TULP4: variants seen among roughly 807,000 people sequenced by gnomAD.
TULP4 encodes the protein tubby-related protein 4.
TULP4 carries 16 observed loss-of-function variants against 129.0 expected under a neutral mutation model. That is an observed-to-expected ratio of 0.12 (90% CI 0.08 to 0.19). The LOEUF is 0.19. Among genes scored for constraint, TULP4 ranks in the 10% least tolerant of loss-of-function variants. The probability of loss-of-function intolerance (pLI) is 1.00; values close to 1 mark genes in which losing one functional copy is unlikely to be tolerated. For synonymous variants in TULP4, 998 were observed against 854.0 expected (o/e 1.17, Z -2.94); for missense variants, 1,842 against 2,059.1 (o/e 0.89, Z 2.04).
chr6:158,306,803 T>G (rs1204562703), intron 1 of TULP4, among the ~76,000 whole-genome samples: 1 of 152,156 alleles, frequency 6.6e-6, no homozygotes, highest in Non-Finnish European at 1.5e-5. Context: ...GTGGATCACT[T>G]GAGCCTCGGA....
At chr6:158,506,049 C>G (rs1780592299) in intron 13 of TULP4, among the ~76,000 whole-genome samples, 1 of 151,878 alleles carries the variant, frequency 6.6e-6, no homozygotes. Context: ...TGCTCACTGT[C>G]TCCATTGTGT....
chr6:158,444,113 G>A (rs904603170), intron 3 of TULP4, among the ~76,000 whole-genome samples: 6 of 151,338 alleles, frequency 4.0e-5, no homozygotes, highest in East Asian at 1.9e-4. Flanking sequence ...CCAGCTACTC[G>A]GGAGGCTGAG....
At position 158,413,250 on chromosome 6, in the gene TULP4, C is replaced by T. The variant is rs1778136712; in HGVS notation, c.381+57C>T. The T allele has an allele frequency of 2.6e-6, 4 of 1,550,408 alleles. No homozygotes were observed. Among genetic ancestry groups the T allele is most frequent in the African/African-American group, 1.4e-5 (1 of 73,356 alleles). ...GGCTGCGGGGTAGAGGACTCCCAGA[C>T]AGGCATTCCGGAGCCAGTGCGTTAG... On this transcript the variant is annotated intron_variant, in intron 2 of 13. Transcript: ENST00000367097. The surrounding 1 kb of genome is among the most constrained non-coding windows in gnomAD (Gnocchi z 4.9).
intron 1 of TULP4, among the ~76,000 whole-genome samples, chr6:158,265,969 A>G (rs1350854357): frequency 1.3e-5 from 2 of 152,182 alleles, no homozygotes; most frequent in African/African-American, 2.4e-5. Context: ...TTTTGGTATT[A>G]TACTTACTGT....
At chr6:158,466,976 G>A (rs1215028492) in intron 6 of TULP4, among the ~76,000 whole-genome samples, 1 of 152,148 alleles carries the variant, frequency 6.6e-6, no homozygotes, top group Admixed American at 6.5e-5. Flanking sequence ...TGAAGCCTAA[G>A]GAAAGAGGCC....
chr6:158,426,590 G>C (rs1442853219), intron 2 of TULP4, among the ~76,000 whole-genome samples: 1 of 152,026 alleles, frequency 6.6e-6, no homozygotes. Context: ...TGTCGTTTTT[G>C]TACCAGTACC....
At chr6:158,388,913 C>T (rs895156164) in intron 1 of TULP4, among the ~76,000 whole-genome samples, 4 of 152,134 alleles carry the variant, frequency 2.6e-5, no homozygotes, top group South Asian at 4.2e-4. Flanking sequence ...AGAGGTGGCA[C>T]CTCCCACCAC....
chr6:158,382,970 A>G (rs527387360), intron 1 of TULP4, among the ~76,000 whole-genome samples: 4 of 152,376 alleles, frequency 2.6e-5, no homozygotes, highest in African/African-American at 9.6e-5. Flanking sequence ...TGAGAGGCGA[A>G]TTAGTGCTGT....
chr6:158,335,274 CAAAA>C (rs61418142), intron 1 of TULP4, among the ~76,000 whole-genome samples: 4 of 121,538 alleles, frequency 3.3e-5, no homozygotes, highest in Admixed American at 8.2e-5. Context: ...GAGACTGTCT[CAAAA>C]AAAAAAAAAA....
rs747004210 is a variant in TULP4, at chr6:158,494,748, C to T, written c.1777-5C>T. On this transcript the variant is annotated splice_region_variant and splice_polypyrimidine_tract_variant and intron_variant, in intron 10 of 13. Transcript: ENST00000367097. ...TTCTTCTTTTTTCTTTTCTTCCTAC[C>T]GCAGCACAACTATCTTGCTCAGGTC... The T allele has an allele frequency of 1.4e-5, 22 of 1,608,828 alleles. No homozygotes were observed. The highest frequency in any genetic ancestry group is 2.2e-5 in the East Asian group (1 of 44,780).
chr6:158,490,279 C>T (rs946138476), intron 9 of TULP4, among the ~76,000 whole-genome samples: 1 of 152,134 alleles, frequency 6.6e-6, no homozygotes, highest in South Asian at 2.1e-4. Context: ...GCCTGTAGTC[C>T]CAGCTACTCA....
intron 1 of TULP4, among the ~76,000 whole-genome samples, chr6:158,362,776 A>C (rs745857162): frequency 6.6e-6 from 1 of 152,106 alleles, no homozygotes; most frequent in Non-Finnish European, 1.5e-5. Flanking sequence ...TTGAAACTCC[A>C]TGCAAAGTCA....
intron 1 of TULP4, among the ~76,000 whole-genome samples, chr6:158,328,134 G>A (rs1218960575): frequency 5.9e-5 from 2 of 34,026 alleles, no homozygotes; most frequent in Admixed American, 2.6e-4. Context: ...GTGTGCGTGC[G>A]TGCTGGGAAA....
In TULP4 at chr6:158,473,679, C is replaced by T. The variant is rs570649657; in HGVS notation, c.1027-6072C>T. ...GACTACAGGCATGTGCCACCACGCC[C>T]GGCTAATTTTCTTGTATTTTTAGTA... On this transcript the variant is annotated intron_variant, in intron 6 of 13. Coordinates refer to ENST00000367097, the MANE Select transcript of TULP4 (RefSeq NM_020245.5). 1.6e-4 allele frequency among the ~76,000 whole-genome samples: 24 copies of T among 152,090 alleles called. No homozygotes were observed. The South Asian group carries it at 1.7e-3, about 11-fold the overall frequency.
At chr6:158,473,906 C>T (rs1052161820) in intron 6 of TULP4, among the ~76,000 whole-genome samples, 2 of 152,042 alleles carry the variant, frequency 1.3e-5, no homozygotes, top group Non-Finnish European at 2.9e-5. Context: ...TAGCCTCAAC[C>T]TCCTGGGCTC....
intron 12 of TULP4, among the ~76,000 whole-genome samples, chr6:158,500,375 T>C (rs2128262082): frequency 6.6e-6 from 1 of 152,336 alleles, no homozygotes; most frequent in South Asian, 2.1e-4. Context: ...GAGTTATGTC[T>C]TACTAGGACA....
chr6:158,504,020 A>G lies in TULP4; in HGVS notation c.4357A>G (p.Lys1453Glu), dbSNP rs754228324. ...GGCCAAGTGCCGGCGGGCCAGTGAGAAGGAGGACGGGCGGCTGGGCAGCCA... is the reference window on the plus strand; with the variant it reads ...GGCCAAGTGCCGGCGGGCCAGTGAGGAGGAGGACGGGCGGCTGGGCAGCCA... ...EEAKCRRASE[K>E]EDGRLGSQGF... Residue 1453 changes from lysine to glutamate, a missense_variant, in exon 13 of 14, where the codon AAG becomes GAG. By Grantham distance (56) the Lys-to-Glu change is moderately conservative. Transcript: ENST00000367097. 4.3e-6 allele frequency: 7 copies of G among 1,612,128 alleles called. No homozygotes were observed. Among genetic ancestry groups the G allele is most frequent in the Non-Finnish European group, 5.9e-6 (7 of 1,179,278 alleles).
intron 1 of TULP4, among the ~76,000 whole-genome samples, chr6:158,272,780 G>T (rs764242474): frequency 6.6e-6 from 1 of 152,230 alleles, no homozygotes; most frequent in Non-Finnish European, 1.5e-5. Context: ...GAGTGTTTCA[G>T]TCAAAAACAA....
chr6:158,454,608 CTT>C (rs374123610), intron 5 of TULP4, among the ~76,000 whole-genome samples: 15 of 143,180 alleles, frequency 1.0e-4, no homozygotes, highest in East Asian at 4.0e-4. Flanking sequence ...ACAGTTCTCT[CTT>C]TTTTTTTTTT....
Sources: gnomAD v4.1 joint callset for allele counts (sites outside exome capture counted in the v4.1 genomes callset) on GRCh38, gnomAD v4.1.1 for gene constraint, Gnocchi (gnomAD v3.1) non-coding constraint, MANE v1.5 for transcripts, NCBI Gene and HGNC (gene_info 2026-07-23, HGNC 2026-07-21) for gene names.